ANKRD40: variants seen among roughly 807,000 people sequenced by gnomAD.
The protein encoded by ANKRD40 is ankyrin repeat domain 40.
ANKRD40 carries 24 observed loss-of-function variants against 35.5 expected under a neutral mutation model. That is an observed-to-expected ratio of 0.68 (90% CI 0.49 to 0.95). The LOEUF is 0.95. Among genes scored for constraint, ANKRD40 ranks in the 40% least tolerant of loss-of-function variants. The pLI is 0.00. For synonymous variants in ANKRD40, 147 were observed against 173.5 expected, an observed-to-expected ratio of 0.85 and a Z score of 1.20; for missense variants, 361 against 436.0, an observed-to-expected ratio of 0.83 and a Z score of 1.53.
Position 50,695,933 on chromosome 17 carries a change from C to T in ANKRD40, c.*64G>A, listed in dbSNP as rs1287851294. 1.3e-6 allele frequency: 2 copies of T among 1,583,240 alleles called. No individual in the cohort carries two copies. Among genetic ancestry groups the T allele is most frequent in the Admixed American group, 3.5e-5 (2 of 56,852 alleles). On this transcript the variant is annotated 3_prime_UTR_variant, in exon 5 of 5. Transcript: ENST00000285243. ...GCATCTGAGGCATTTAGATCAATGG[C>T]TTGTCCTTGGCCCAGAGGTGATGCA...
chr17:50,700,550 C>A lies in ANKRD40; in HGVS notation c.283+18G>T. On this transcript the variant is annotated intron_variant, in intron 2 of 4. Coordinates refer to ENST00000285243, the MANE Select transcript of ANKRD40 (RefSeq NM_052855.4). Reference sequence around the variant, plus strand: ...ATGAGTCTGAGGAAATCAAAAGTTCCCCCAAACACAGACTCACCTCCCATA... The same window carrying A: ...ATGAGTCTGAGGAAATCAAAAGTTCACCCAAACACAGACTCACCTCCCATA... 6.2e-7 allele frequency: 1 copy of A among 1,612,440 alleles called. No homozygotes were observed. Among genetic ancestry groups the A allele is most frequent in the South Asian group, 1.1e-5 (1 of 90,924 alleles).
chr17:50,705,213 C>T (rs1968318417), intron 1 of ANKRD40, among the ~76,000 whole-genome samples: 3 of 151,556 alleles, frequency 2.0e-5, no homozygotes, highest in South Asian at 2.1e-4. Context: ...TCATTAAGGG[C>T]TCACAATACT....
Position 50,693,907 on chromosome 17 carries a change from G to C in ANKRD40, c.*2090C>G, listed in dbSNP as rs1283963331. On this transcript the variant is annotated 3_prime_UTR_variant, in exon 5 of 5. Transcript: ENST00000285243. ...GCACTTTGGGAGGCCAAGGCAGGTG[G>C]ATCACTTGAGGCCAGGAGTTCGAGA... 1 of 152,030 alleles carries C rather than the reference G, an allele frequency of 6.6e-6. No individual in the cohort carries two copies. Among genetic ancestry groups the C allele is most frequent in the African/African-American group, 2.4e-5 (1 of 41,386 alleles). The allele number at this position is 152,030 out of a possible 1,614,324, so 9.4% of individuals were successfully genotyped here.
chr17:50,704,074 A>G (rs1395803354), intron 1 of ANKRD40, among the ~76,000 whole-genome samples: 3 of 151,886 alleles, frequency 2.0e-5, no homozygotes, highest in Non-Finnish European at 2.9e-5. Context: ...GGAGGCAAGC[A>G]GGGTGCCAAG....
At chr17:50,698,189 G>A (rs943962649) in intron 3 of ANKRD40, among the ~76,000 whole-genome samples, 1 of 151,918 alleles carries the variant, frequency 6.6e-6, no homozygotes, top group Non-Finnish European at 1.5e-5. Context: ...TTGGAGAAAT[G>A]ACTGATTCCA....
chr17:50,701,662 C>A (rs1384627175), intron 1 of ANKRD40, among the ~76,000 whole-genome samples: 2 of 152,182 alleles, frequency 1.3e-5, no homozygotes, highest in African/African-American at 4.8e-5. Flanking sequence ...TACTTTTCGC[C>A]TGTGTTTTGA....
rs1274936818 is a variant in ANKRD40 at position 50,699,380 on chromosome 17, T to C, written c.778+19A>G. On this transcript the variant is annotated intron_variant, in intron 3 of 4. Coordinates refer to ENST00000285243, the MANE Select transcript of ANKRD40 (RefSeq NM_052855.4). ...ACCAACTCCCCTGTTGCAGAGGCTG[T>C]TTGCTGATGAGGGGTTACCTTGCAT... The C allele has an allele frequency of 6.2e-7, 1 of 1,607,980 alleles. No individual in the cohort carries two copies. The highest frequency in any genetic ancestry group is 2.2e-5 in the East Asian group (1 of 44,794).
Position 50,707,200 on chromosome 17 carries a change from A to G in ANKRD40, c.134+321T>C, listed in dbSNP as rs540082519. On this transcript the variant is annotated intron_variant, in intron 1 of 4. Transcript: ENST00000285243. This position sits in a 1 kb window ranked among gnomAD's most constrained non-coding sequence, Gnocchi z 4.8. ...AACACTCGAATTGGGGTGAGCTCCA[A>G]CGCATAGTCGCTGAGAATCACTGCC... Among the ~76,000 whole-genome samples, 2 of 152,276 alleles carry G rather than the reference A, an allele frequency of 1.3e-5. No homozygotes were observed. Among genetic ancestry groups the G allele is most frequent in the African/African-American group, 4.8e-5 (2 of 41,566 alleles).
intron 1 of ANKRD40, among the ~76,000 whole-genome samples, chr17:50,703,161 G>GT (rs924118083): frequency 4.6e-5 from 7 of 152,036 alleles, no homozygotes; most frequent in East Asian, 3.8e-4. Context: ...AAGAGAGTAC[G>GT]TTTTTTTGAG....
chr17:50,704,981 G>A (rs1968314645), intron 1 of ANKRD40, among the ~76,000 whole-genome samples: 1 of 151,938 alleles, frequency 6.6e-6, no homozygotes, highest in Admixed American at 6.6e-5. Context: ...GGGCGTGGTG[G>A]CGGGCACCTG....
chr17:50,701,015 T>C lies in ANKRD40; in HGVS notation c.135-299A>G, dbSNP rs117553166. The C allele has an allele frequency of 3.3e-3, 882 of 267,540 alleles. 4 individuals are homozygous for C. The highest frequency in any genetic ancestry group is 4.7e-3 in the Non-Finnish European group (654 of 138,748). The allele number at this position is 267,540 out of a possible 1,614,324, so 16.6% of individuals were successfully genotyped here. A position where few individuals can be genotyped will look rare whatever the true frequency, so the allele number is the denominator to read the frequency against. ...CTAACTCCAATGATACCGTGGAATA[T>C]ACTCTATCAGTATCGCTCATTAGAT... is the stretch of plus-strand genomic sequence containing the variant. On this transcript the variant is annotated intron_variant, in intron 1 of 4. Coordinates refer to ENST00000285243, the MANE Select transcript of ANKRD40 (RefSeq NM_052855.4).
At chr17:50,697,894 G>C (rs981448930) in intron 3 of ANKRD40, among the ~76,000 whole-genome samples, 6 of 152,142 alleles carry the variant, frequency 3.9e-5, no homozygotes, top group African/African-American at 1.4e-4. Flanking sequence ...CAGGAAAAAA[G>C]GAAAAGTAAG....
At position 50,707,449 on chromosome 17, in the gene ANKRD40, A is replaced by G; in HGVS notation, c.134+72T>C. On this transcript the variant is annotated intron_variant, in intron 1 of 4. Coordinates refer to ENST00000285243, the MANE Select transcript of ANKRD40 (RefSeq NM_052855.4). The surrounding 1 kb of genome is among the most constrained non-coding windows in gnomAD (Gnocchi z 4.8). ...TAGCCAGGCGTCCCGCGCTGGGCCC[A>G]GGTCGCGACTGACTGCCCCACGCCT... 6.5e-7 allele frequency: 1 copy of G among 1,547,668 alleles called. No homozygotes were observed. Among genetic ancestry groups the G allele is most frequent in the Non-Finnish European group, 8.7e-7 (1 of 1,147,936 alleles).
At chr17:50,696,353 G>A (rs576703973) in intron 4 of ANKRD40, among the ~76,000 whole-genome samples, 1 of 152,266 alleles carries the variant, frequency 6.6e-6, no homozygotes, top group East Asian at 1.9e-4. Context: ...CAGCAGCTGC[G>A]ACAGCATGAG....
intron 1 of ANKRD40, among the ~76,000 whole-genome samples, chr17:50,704,528 A>C (rs908233048): frequency 1.7e-4 from 26 of 151,510 alleles, no homozygotes; most frequent in African/African-American, 5.6e-4. Flanking sequence ...AAAAAAAAAA[A>C]AAAAAAAAAA....
At chr17:50,700,217 G>A (rs896445349) in intron 2 of ANKRD40, 1 of 265,628 alleles carries the variant, frequency 3.8e-6, no homozygotes, top group African/African-American at 2.2e-5. Flanking sequence ...GCTGAGGCTG[G>A]CGGATCACCT....
At chr17:50,705,228 T>C (rs75370723) in intron 1 of ANKRD40, among the ~76,000 whole-genome samples, 1,695 of 152,102 alleles carry the variant, frequency 0.011, 26 homozygotes, top group African/African-American at 0.039. Flanking sequence ...AATACTCTTC[T>C]GGAACAAGTA....
At position 50,695,227 on chromosome 17, in the gene ANKRD40, GC is replaced by G. The variant is rs1270010717; in HGVS notation, c.*769del. 6.6e-6 allele frequency: 1 copy of G among 152,076 alleles called. No homozygotes were observed. The highest frequency in any genetic ancestry group is 2.4e-5 in the African/African-American group (1 of 41,342). 9.4% of individuals were successfully genotyped at this position (152,076 alleles called of 1,614,324 possible). On this transcript the variant is annotated 3_prime_UTR_variant, in exon 5 of 5. Coordinates refer to ENST00000285243, the MANE Select transcript of ANKRD40 (RefSeq NM_052855.4). ...TCTATGGGCGGGGTGGGGGTGGGGG[GC>G]ATTGTAAAAAAGCAGTTGTTCTTTT...
At position 50,699,791 on chromosome 17, in the gene ANKRD40, A is replaced by G; in HGVS notation, c.386T>C (p.Phe129Ser). The change falls in exon 3 of 5, where the codon TTC becomes TCC. Residue 129 changes from phenylalanine to serine, a missense_variant. Physicochemically the swap from Phe to Ser is radical, Grantham distance 155 (BLOSUM62 -2). This residue lies in a region of ANKRD40 where 172 missense variants were observed against 174.0 expected (regional missense o/e 0.99). Transcript: ENST00000285243. ...TGCTGTGGGTGTATAGATAAAAGGG[A>G]AGGCTGGGTTGGCCAAATAGTTGGG... The part of the protein sequence containing the change: ...FVPNYLANPA[F>S]PFIYTPTAED... 1 of 1,590,948 alleles carries G rather than the reference A, an allele frequency of 6.3e-7. No individual in the cohort carries two copies. Among genetic ancestry groups the G allele is most frequent in the South Asian group, 1.1e-5 (1 of 88,468 alleles).
Sources: gnomAD v4.1 joint callset for allele counts (sites outside exome capture counted in the v4.1 genomes callset) on GRCh38, gnomAD v4.1.1 for gene constraint, gnomAD v4.1.1 regional missense constraint, Gnocchi (gnomAD v3.1) non-coding constraint, MANE v1.5 for transcripts, NCBI Gene and HGNC (gene_info 2026-07-23, HGNC 2026-07-21) for gene names.